Variants in C3orf70 observed in about 807,000 individuals in gnomAD.
The protein encoded by C3orf70 is chromosome 3 open reading frame 70.
C3orf70 carries 15 observed loss-of-function variants against 20.7 expected under a neutral mutation model. The ratio of observed to expected loss-of-function variants is 0.72; its 90% CI spans 0.48 to 1.11. The LOEUF is 1.11. Ranked by LOEUF, C3orf70 falls within the 50% of genes most tolerant of loss-of-function variation. The pLI, the probability that C3orf70 is intolerant of heterozygous loss-of-function variation, is 0.00. For missense variants in C3orf70, 332 were observed against 317.6 expected, an observed-to-expected ratio of 1.05 and a Z score of -0.34; for synonymous variants, 161 against 125.7, an observed-to-expected ratio of 1.28 and a Z score of -1.88.
intron 1 of C3orf70, among the ~76,000 whole-genome samples, chr3:185,127,161 C>T (rs1022122435): frequency 1.3e-5 from 2 of 151,864 alleles, no homozygotes; most frequent in African/African-American, 2.4e-5. Flanking sequence ...CTATCTAGAA[C>T]CATAGGATGA....
intron 1 of C3orf70, among the ~76,000 whole-genome samples, chr3:185,132,863 A>G (rs2108603004): frequency 6.6e-6 from 1 of 152,358 alleles, no homozygotes; most frequent in East Asian, 1.9e-4. Flanking sequence ...ACTATCTTAA[A>G]GGCAGCTAGA....
At chr3:185,132,948 C>A (rs1419651763) in intron 1 of C3orf70, among the ~76,000 whole-genome samples, 1 of 152,174 alleles carries the variant, frequency 6.6e-6, no homozygotes, top group Non-Finnish European at 1.5e-5. Context: ...CAACTGACAG[C>A]TGACTTCTTC....
At chr3:185,110,465 T>C (rs969365683) in intron 1 of C3orf70, among the ~76,000 whole-genome samples, 33 of 152,330 alleles carry the variant, frequency 2.2e-4, no homozygotes, top group African/African-American at 7.7e-4. Flanking sequence ...TCCTGACTCC[T>C]GCGAGAAGTA....
Position 185,082,973 on chromosome 3 carries a change from G to A in C3orf70, c.*34C>T, listed in dbSNP as rs375797500. The A allele has an allele frequency of 4.7e-5, 75 of 1,582,190 alleles. No homozygotes were observed. Among genetic ancestry groups the A allele is most frequent in the East Asian group, 4.0e-4 (18 of 44,558 alleles). On this transcript the variant is annotated 3_prime_UTR_variant, in exon 2 of 2. Transcript: ENST00000335012. ...CCAGACAAAGGTACAAAAGCTCGGCGTGGGTCCGAGGCTGTGGCTTCCTGT... is the reference window on the plus strand; with the variant it reads ...CCAGACAAAGGTACAAAAGCTCGGCATGGGTCCGAGGCTGTGGCTTCCTGT...
At position 185,077,609 on chromosome 3, in the gene C3orf70, C is replaced by T. The variant is rs76871867; in HGVS notation, c.*5398G>A. ...TTCTTTTCTGAGTATGGACTTGCCG[C>T]GCTGAGGCCTGGCCCCTGAGTCTTG... is the stretch of plus-strand genomic sequence containing the variant. On this transcript the variant is annotated 3_prime_UTR_variant, in exon 2 of 2. Coordinates refer to ENST00000335012, the MANE Select transcript of C3orf70 (RefSeq NM_001025266.3). 0.013 allele frequency among the ~76,000 whole-genome samples: 1,963 copies of T among 152,210 alleles called. 41 individuals are homozygous for T. Among genetic ancestry groups the T allele is most frequent in the African/African-American group, 0.044 (1,825 of 41,506 alleles).
intron 1 of C3orf70, among the ~76,000 whole-genome samples, chr3:185,109,764 C>G (rs546031332): frequency 6.6e-6 from 1 of 152,136 alleles, no homozygotes; most frequent in Non-Finnish European, 1.5e-5. Flanking sequence ...CAGTTACACA[C>G]GCTTTCTGAT....
chr3:185,115,182 A>G (rs1716150971), intron 1 of C3orf70, among the ~76,000 whole-genome samples: 1 of 152,170 alleles, frequency 6.6e-6, no homozygotes, highest in Non-Finnish European at 1.5e-5. Flanking sequence ...AGTGACTCCA[A>G]TGTACAACCA....
intron 1 of C3orf70, among the ~76,000 whole-genome samples, chr3:185,090,452 G>A (rs1715542269): frequency 6.6e-6 from 1 of 152,076 alleles, no homozygotes; most frequent in Admixed American, 6.6e-5. Flanking sequence ...TTAAATGTGT[G>A]TCCTCCTTGA....
chr3:185,077,231 C>T lies in C3orf70; in HGVS notation c.*5776G>A, dbSNP rs922630767. On this transcript the variant is annotated 3_prime_UTR_variant, in exon 2 of 2. Coordinates refer to ENST00000335012, the MANE Select transcript of C3orf70 (RefSeq NM_001025266.3). The stretch of plus-strand genomic sequence containing the variant: ...TTGGGACCAGGTGCACTGAGGTAGA[C>T]GAGGCACTAGTCTGTGGGAAGGTAT... Among the ~76,000 whole-genome samples the T allele has an allele frequency of 2.0e-5, 3 of 152,072 alleles. No homozygotes were observed. The highest frequency in any genetic ancestry group is 6.5e-5 in the Admixed American group (1 of 15,270).
intron 1 of C3orf70, among the ~76,000 whole-genome samples, chr3:185,123,414 A>G (rs1041533650): frequency 6.6e-6 from 1 of 151,960 alleles, no homozygotes; most frequent in Non-Finnish European, 1.5e-5. Flanking sequence ...GAACATCATG[A>G]TATTTTGGGT....
chr3:185,083,376 G>C lies in C3orf70; in HGVS notation c.384C>G (p.Asp128Glu). 1 of 1,614,146 alleles carries C rather than the reference G, an allele frequency of 6.2e-7. No individual in the cohort carries two copies. Among genetic ancestry groups the C allele is most frequent in the Non-Finnish European group, 8.5e-7 (1 of 1,180,030 alleles). Residue 128 changes from aspartate (D) to glutamate (E), a missense_variant, in exon 2 of 2, where the codon GAC (aspartate) becomes GAG (glutamate). Physicochemically the swap from Asp to Glu is conservative, Grantham distance 45. Coordinates refer to ENST00000335012, the MANE Select transcript of C3orf70 (RefSeq NM_001025266.3). ...PDSPRYCMISDLFIDNYQVKC... is the reference protein window; with the variant it reads ...PDSPRYCMISELFIDNYQVKC... ...TAACCTGATAGTTGTCAATAAAAAG[G>C]TCTGAAATCATACAGTACCTCGGTG...
chr3:185,091,333 G>T (rs1050803380), intron 1 of C3orf70, among the ~76,000 whole-genome samples: 2 of 152,092 alleles, frequency 1.3e-5, no homozygotes, highest in Non-Finnish European at 2.9e-5. Flanking sequence ...GGGCAAAGGA[G>T]GATAAAGTTT....
chr3:185,083,168 G>A lies in C3orf70; in HGVS notation c.592C>T (p.His198Tyr), dbSNP rs775795637. Residue 198 changes from histidine to tyrosine, a missense_variant, in exon 2 of 2, where the codon CAC becomes TAC. By Grantham distance (83) the His-to-Tyr change is moderately conservative (BLOSUM62 2). Transcript: ENST00000335012. Reference sequence around the variant, plus strand: ...TCCTCGTCACACGATTCCACATAGTGAGCCCCAATCGCATTGATCCCAGAG... The same window carrying A: ...TCCTCGTCACACGATTCCACATAGTAAGCCCCAATCGCATTGATCCCAGAG... ...EDSGINAIGA[H>Y]YVESCDEDTE... The A allele has an allele frequency of 4.6e-5, 75 of 1,614,120 alleles. 1 individual carries two copies. The South Asian group carries it at 7.7e-4, about 17-fold the overall frequency.
At chr3:185,139,876 GA>G (rs201985198) in intron 1 of C3orf70, among the ~76,000 whole-genome samples, 2,995 of 151,412 alleles carry the variant, frequency 0.02, 47 homozygotes, top group South Asian at 0.048. Context: ...AAAAATTTTA[GA>G]AAAAAAATAA....
At position 185,077,144 on chromosome 3, in the gene C3orf70, C is replaced by T. The variant is rs3732936; in HGVS notation, c.*5863G>A. Among the ~76,000 whole-genome samples the T allele has an allele frequency of 0.26, 39,735 of 151,392 alleles. 6,164 individuals are homozygous for T. Among genetic ancestry groups the T allele is most frequent in the East Asian group, 0.56 (2,872 of 5,116 alleles). ...GTATAGGGTGCGGGGTGGGGGGGCA[C>T]TGTATGGAGGACAGAGAAGGGGACA... On this transcript the variant is annotated 3_prime_UTR_variant, in exon 2 of 2. Coordinates refer to ENST00000335012, the MANE Select transcript of C3orf70 (RefSeq NM_001025266.3).
rs182273884 is a variant in C3orf70 at position 185,117,968 on chromosome 3, C to T, written c.197-34405G>A. ...CCTCAGGGAATACTGCCCCAATCCCCACTCTATTACACATTCTCACAGCAC... is the reference window on the plus strand; with the variant it reads ...CCTCAGGGAATACTGCCCCAATCCCTACTCTATTACACATTCTCACAGCAC... On this transcript the variant is annotated intron_variant, in intron 1 of 1. Coordinates refer to ENST00000335012, the MANE Select transcript of C3orf70 (RefSeq NM_001025266.3). Among the ~76,000 whole-genome samples the T allele has an allele frequency of 2.0e-5, 3 of 152,320 alleles. No homozygotes were observed. In the East Asian group the frequency reaches 5.8e-4, roughly 29 times the overall value.
rs1031714547 is a variant in C3orf70, at chr3:185,115,126, C to T, written c.197-31563G>A. On this transcript the variant is annotated intron_variant, in intron 1 of 1. Transcript: ENST00000335012. Reference sequence around the variant, plus strand: ...CTCCCACCTAAGATTTTATTTTACACGGTCTGGGATGGTACTCTGGCATAT... The same window carrying T: ...CTCCCACCTAAGATTTTATTTTACATGGTCTGGGATGGTACTCTGGCATAT... Among the ~76,000 whole-genome samples, 7 of 148,038 alleles carry T rather than the reference C, an allele frequency of 4.7e-5. No individual in the cohort carries two copies. In the South Asian group the frequency reaches 6.4e-4, roughly 14 times the overall value.
chr3:185,152,064 TTAA>T (rs1185856657), intron 1 of C3orf70, among the ~76,000 whole-genome samples: 1 of 152,226 alleles, frequency 6.6e-6, no homozygotes, highest in Non-Finnish European at 1.5e-5. Context: ...TTCCAAACTG[TTAA>T]TATTAACTTC....
chr3:185,134,182 T>C (rs1716578392), intron 1 of C3orf70, among the ~76,000 whole-genome samples: 1 of 151,850 alleles, frequency 6.6e-6, no homozygotes, highest in Non-Finnish European at 1.5e-5. Flanking sequence ...GAAACTTTTT[T>C]AGTATTCTTT....
Sources: gnomAD v4.1 joint callset for allele counts (sites outside exome capture counted in the v4.1 genomes callset) on GRCh38, gnomAD v4.1.1 for gene constraint, MANE v1.5 for transcripts, NCBI Gene and HGNC (gene_info 2026-07-23, HGNC 2026-07-21) for gene names.